RSPH14: variants seen among roughly 807,000 people sequenced by gnomAD.
RSPH14 encodes radial spoke head 14 homolog.
Under a neutral mutation model 26.7 loss-of-function variants are expected in RSPH14, and 20 were observed. That is an observed-to-expected ratio of 0.75 (90% CI 0.53 to 1.09). The LOEUF (loss-of-function observed/expected upper bound fraction) is 1.09, where lower values mean the gene tolerates loss of function less well. RSPH14 is among the 50% of genes least tolerant of loss of function. The pLI, the probability that RSPH14 is intolerant of heterozygous loss-of-function variation, is 0.00. For missense variants in RSPH14, 449 were observed against 457.2 expected (o/e 0.98, Z 0.16); for synonymous variants, 177 against 189.3 (o/e 0.93, Z 0.53).
chr22:23,122,828 C>T (rs903579528), intron 4 of RSPH14: 2 of 551,706 alleles, frequency 3.6e-6, no homozygotes, highest in Non-Finnish European at 6.5e-6. Context: ...AGATCACTGG[C>T]ACCCAGAGGA....
chr22:23,115,607 C>T (rs114674491), intron 4 of RSPH14, among the ~76,000 whole-genome samples: 448 of 152,246 alleles, frequency 2.9e-3, no homozygotes, highest in African/African-American at 0.01. Context: ...GCAGGGTGGC[C>T]TCCCACACCT....
At chr22:23,123,103 G>A in intron 4 of RSPH14, 1 of 1,612,718 alleles carries the variant, frequency 6.2e-7, no homozygotes, top group Non-Finnish European at 8.5e-7. Flanking sequence ...ATGGCAGAGA[G>A]CTTGCGCCTC....
upstream of RSPH14, among the ~76,000 whole-genome samples, chr22:23,143,402 T>C (rs1049962616): frequency 6.6e-6 from 1 of 152,002 alleles, no homozygotes; most frequent in Non-Finnish European, 1.5e-5. Context: ...CAGCAAGCCA[T>C]AAAGATTCCT....
chr22:23,158,185 GAC>G, the RSPH14 span: 1 of 1,496,704 alleles, frequency 6.7e-7, no homozygotes, highest in East Asian at 2.3e-5. Context: ...GCTGCCCACG[GAC>G]TACTTACTGT....
chr22:23,136,200 G>A (rs890039829), intron 3 of RSPH14: 2 of 705,016 alleles, frequency 2.8e-6, no homozygotes, highest in African/African-American at 3.5e-5. Flanking sequence ...GCAAGCAAGA[G>A]GGCAGGGAAC....
At chr22:23,077,316 C>T (rs1352847876) in intron 4 of RSPH14, among the ~76,000 whole-genome samples, 1 of 152,188 alleles carries the variant, frequency 6.6e-6, no homozygotes, top group Non-Finnish European at 1.5e-5. Context: ...CTGACTGTCT[C>T]TTCTCTCATT....
At chr22:23,173,626 TTTGTTTTTTG>T in the RSPH14 span, among the ~76,000 whole-genome samples, 4 of 108,886 alleles carry the variant, frequency 3.7e-5, no homozygotes, top group African/African-American at 1.4e-4. Flanking sequence ...TTTTTGGTTT[TTTGTTTTTTG>T]TTTTTTTTTT....
intron 4 of RSPH14, among the ~76,000 whole-genome samples, chr22:23,088,687 C>G (rs906479788): frequency 1.3e-5 from 2 of 152,222 alleles, no homozygotes; most frequent in Admixed American, 1.3e-4. Context: ...CCTGTTGCCA[C>G]CCCAAGCCTG....
At chr22:23,089,591 G>A (rs2068907524) in intron 4 of RSPH14, among the ~76,000 whole-genome samples, 1 of 152,206 alleles carries the variant, frequency 6.6e-6, no homozygotes, top group South Asian at 2.1e-4. Context: ...TCCTGACTCA[G>A]GGCTATCACT....
At chr22:23,136,516 G>C (rs1214103816) in intron 3 of RSPH14, among the ~76,000 whole-genome samples, 4 of 138,100 alleles carry the variant, frequency 2.9e-5, no homozygotes, top group African/African-American at 1.0e-4. Flanking sequence ...CCCTGGTCAG[G>C]GATGGTCACT....
chr22:23,081,821 C>CAAAAA (rs55713577), intron 4 of RSPH14, among the ~76,000 whole-genome samples: 4 of 46,748 alleles, frequency 8.6e-5, no homozygotes, highest in East Asian at 6.2e-4. Context: ...GATTCCATCT[C>CAAAAA]AAAAAAAAAA....
At chr22:23,065,258 G>A (rs1192552735) in intron 4 of RSPH14, among the ~76,000 whole-genome samples, 1 of 152,090 alleles carries the variant, frequency 6.6e-6, no homozygotes, top group East Asian at 1.9e-4. Context: ...CAAACAGCAG[G>A]TGCCCAGGGT....
chr22:23,066,066 G>A (rs528174425), intron 4 of RSPH14, among the ~76,000 whole-genome samples: 8 of 152,232 alleles, frequency 5.3e-5, no homozygotes, highest in Admixed American at 2.6e-4. Flanking sequence ...TGACCTGGAC[G>A]GCCCTCTTCC....
At chr22:23,145,495 G>A (rs2070710246), upstream of RSPH14, 1 of 1,607,632 alleles carries the variant, frequency 6.2e-7, no homozygotes, top group Non-Finnish European at 8.5e-7. Flanking sequence ...GGTGATCGCC[G>A]CCGCTGGCTC....
chr22:23,149,437 C>T (rs2070979685), upstream of RSPH14, among the ~76,000 whole-genome samples: 1 of 152,188 alleles, frequency 6.6e-6, no homozygotes, highest in Non-Finnish European at 1.5e-5. Flanking sequence ...AACCACTGCT[C>T]AGGTCTGCCT....
the RSPH14 span, chr22:23,162,481 C>T: frequency 5.2e-6 from 2 of 384,480 alleles, no homozygotes; most frequent in Non-Finnish European, 1.1e-5. Flanking sequence ...TCTCTTAGGA[C>T]CTTTGTAATG....
the RSPH14 span, among the ~76,000 whole-genome samples, chr22:23,158,493 T>G: frequency 1.3e-5 from 2 of 152,244 alleles, no homozygotes; most frequent in African/African-American, 4.8e-5. Context: ...ATCCTACTTC[T>G]GCTGGGAATC....
intron 4 of RSPH14, among the ~76,000 whole-genome samples, chr22:23,103,668 G>A (rs1042634077): frequency 1.3e-5 from 2 of 152,220 alleles, no homozygotes; most frequent in Non-Finnish European, 2.9e-5. Flanking sequence ...CAAGCTGGGG[G>A]CCATCTGATG....
intron 4 of RSPH14, among the ~76,000 whole-genome samples, chr22:23,077,378 A>G (rs1312727901): frequency 1.3e-5 from 2 of 152,134 alleles, no homozygotes; most frequent in Admixed American, 6.5e-5. Context: ...TGCTTCGTTC[A>G]TGGCAGCCTC....
Sources: gnomAD v4.1 joint callset for allele counts (sites outside exome capture counted in the v4.1 genomes callset) on GRCh38, gnomAD v4.1.1 for gene constraint, MANE v1.5 for transcripts, NCBI Gene and HGNC (gene_info 2026-07-23, HGNC 2026-07-21) for gene names.